NRK: variants seen among roughly 807,000 people sequenced by gnomAD.
NRK encodes the protein nik-related protein kinase.
In NRK, 67 loss-of-function variants were observed where a neutral mutation model predicts 125.2. That is an observed-to-expected ratio of 0.54 (90% CI 0.44 to 0.66). The LOEUF (loss-of-function observed/expected upper bound fraction) is 0.66. Ranked by LOEUF, NRK falls within the 30% of genes least tolerant of loss-of-function variation. The pLI, the probability that NRK is intolerant of heterozygous loss-of-function variation, is 0.00. For synonymous variants in NRK, 458 were observed against 429.0 expected, an observed-to-expected ratio of 1.07 and a Z score of -0.84; for missense variants, 1,224 against 1,192.9, an observed-to-expected ratio of 1.03 and a Z score of -0.38.
chrX:105,937,643 G>A, intron 22 of NRK, 61 bp downstream of exon 22: 11 of 860,159 alleles, frequency 1.3e-5, no homozygotes, highest in Non-Finnish European at 1.8e-5. Context: ...TGCAAACTGG[G>A]TTAAAGACTT....
chrX:105,884,917 A>G (rs761617227), intron 4 of NRK, among the ~76,000 whole-genome samples: 2 of 111,372 alleles, frequency 1.8e-5, no homozygotes, highest in East Asian at 5.7e-4. Context: ...CAGCCTCCCC[A>G]GTAGTTGGGA....
At chrX:105,942,738 C>A (rs914674863) in intron 23 of NRK, among the ~76,000 whole-genome samples, 1 of 111,212 alleles carries the variant, frequency 9.0e-6, no homozygotes, top group African/African-American at 3.3e-5. Context: ...CCTGCCTCAG[C>A]CTCCCGAGTA....
chrX:105,873,544 A>G (rs951271986), intron 2 of NRK, among the ~76,000 whole-genome samples: 6 of 111,837 alleles, frequency 5.4e-5, no homozygotes, highest in Admixed American at 9.5e-5. Context: ...CTTCTATTAA[A>G]CAAGATTTTA....
rs772624893 is a variant in NRK at position 105,889,853 on chromosome X, T to C, written c.378+1434T>C. ...GGCCTGGCCCATGAAACCATTTTTT[T>C]TCCTCCTAGGCCTCTGGGCCTGTGA... On this transcript the variant is annotated intron_variant, in intron 5 of 28. Transcript: ENST00000243300. 1.4e-4 allele frequency among the ~76,000 whole-genome samples: 16 copies of C among 112,066 alleles called. No homozygotes were observed. In the East Asian group the frequency reaches 4.5e-3, roughly 32 times the overall value.
chrX:105,907,466 A>G (rs2040235325), intron 11 of NRK: 1 of 111,831 alleles, frequency 8.9e-6, no homozygotes, highest in African/African-American at 3.3e-5. Flanking sequence ...GTATCTATAC[A>G]TGTATCATGT....
chrX:105,829,962 A>G (rs1338981507), intron 1 of NRK, among the ~76,000 whole-genome samples: 1 of 110,637 alleles, frequency 9.0e-6, no homozygotes. Flanking sequence ...ATCAACCTAT[A>G]ATTCAAATAA....
At chrX:105,953,200 CA>C in intron 28 of NRK, 27 bp downstream of exon 28, 8 of 1,046,607 alleles carry the variant, frequency 7.6e-6, no homozygotes, top group Non-Finnish European at 1.0e-5. Context: ...CCAGTTACAG[CA>C]AAAATAACGC....
intron 16 of NRK, among the ~76,000 whole-genome samples, chrX:105,920,735 C>T (rs899818675): frequency 2.7e-5 from 3 of 109,415 alleles, no homozygotes; most frequent in Admixed American, 9.8e-5. Context: ...AAAAAATGCT[C>T]ATCGTCACTG....
chrX:105,868,876 A>C (rs962316751), intron 2 of NRK, among the ~76,000 whole-genome samples: 1 of 110,143 alleles, frequency 9.1e-6, no homozygotes, highest in African/African-American at 3.3e-5. Flanking sequence ...AGTAGCCAAA[A>C]TGTTCTGAAA....
chrX:105,857,412 G>C (rs1489983602), intron 2 of NRK, among the ~76,000 whole-genome samples: 1 of 111,521 alleles, frequency 9.0e-6, no homozygotes, highest in East Asian at 2.8e-4. Flanking sequence ...ATCGAGGTGA[G>C]AGATCAGAAA....
In NRK at chrX:105,895,539, T is replaced by C. The variant is rs1438524122; in HGVS notation, c.580+16T>C. 1.9e-6 allele frequency: 2 copies of C among 1,075,149 alleles called. No homozygotes were observed. Among genetic ancestry groups the C allele is most frequent in the East Asian group, 3.0e-5 (1 of 33,284 alleles). The allele number at this position is 1,075,149 out of a possible 1,213,427, so 88.6% of individuals were successfully genotyped here. On this transcript the variant is annotated intron_variant, in intron 7 of 28. Coordinates refer to ENST00000243300, the MANE Select transcript of NRK (RefSeq NM_198465.4). Reference sequence around the variant, plus strand: ...GTAAAACTGGGTAAGTTTATTCTTATAGTATTTTAAGTCCAAAACATCTTA... The same window carrying C: ...GTAAAACTGGGTAAGTTTATTCTTACAGTATTTTAAGTCCAAAACATCTTA...
rs373104815 is a variant in NRK, at chrX:105,946,021, G to C, written c.4203+6G>C. 1.4e-4 allele frequency: 163 copies of C among 1,202,980 alleles called. No homozygotes were observed. The highest frequency in any genetic ancestry group is 1.8e-4 in the Non-Finnish European group (160 of 890,494). ...TTCATTTGCTGAAGCTCAAGGCAAG[G>C]AACTTGAAGACAGCAAACAGAATGC... On this transcript the variant is annotated splice_donor_region_variant and intron_variant, in intron 25 of 28. Transcript: ENST00000243300.
In NRK at chrX:105,912,704, A is replaced by G; in HGVS notation, c.2298A>G (p.Glu766=). 8.8e-7 allele frequency: 1 copy of G among 1,130,059 alleles called. No individual in the cohort carries two copies. Among genetic ancestry groups the G allele is most frequent in the South Asian group, 2.1e-5 (1 of 48,117 alleles). 93.1% of individuals were successfully genotyped at this position (1,130,059 alleles called of 1,213,427 possible). The change falls in exon 14 of 29, where the codon GAA becomes GAG. Residue 766 remains glutamate (E), a synonymous_variant. Transcript: ENST00000243300. ...AAGTATTTCATTCGATTCAGGCTGA[A>G]GTCCAGATAGAGCCATTGAAGCCAT... The part of the protein sequence containing the change: ...NDEVFHSIQA[E]VQIEPLKPYI...
chrX:105,843,162 A>G (rs1000721591), intron 2 of NRK, among the ~76,000 whole-genome samples: 1 of 112,082 alleles, frequency 8.9e-6, no homozygotes, highest in Middle Eastern at 4.6e-3. Context: ...AGAAATTTCA[A>G]TGCAGACTGT....
At chrX:105,863,059 C>G (rs975691740) in intron 2 of NRK, among the ~76,000 whole-genome samples, 1 of 111,470 alleles carries the variant, frequency 9.0e-6, no homozygotes, top group African/African-American at 3.3e-5. Context: ...AGGAATAATA[C>G]TTAAGCTGTG....
At chrX:105,848,488 CA>C (rs1177414749) in intron 2 of NRK, among the ~76,000 whole-genome samples, 1 of 112,041 alleles carries the variant, frequency 8.9e-6, no homozygotes, top group Non-Finnish European at 1.9e-5. Context: ...CTTATTATAA[CA>C]GTGAAACTAT....
chrX:105,937,698 T>G, intron 22 of NRK, 116 bp downstream of exon 22: 1 of 425,445 alleles, frequency 2.4e-6, no homozygotes, highest in Non-Finnish European at 3.9e-6. Context: ...AATATAACCT[T>G]TAATTGGGAC....
At chrX:105,863,367 T>A (rs985332001) in intron 2 of NRK, among the ~76,000 whole-genome samples, 1 of 101,710 alleles carries the variant, frequency 9.8e-6, no homozygotes, top group Admixed American at 1.0e-4. Flanking sequence ...CATACTATTT[T>A]AAAGTCTCTG....
intron 1 of NRK, among the ~76,000 whole-genome samples, chrX:105,826,278 A>C (rs2039102861): frequency 1.5e-5 from 1 of 67,208 alleles, no homozygotes; most frequent in Non-Finnish European, 2.4e-5. Flanking sequence ...TATAATATAT[A>C]TGAAATATAT....
Sources: gnomAD v4.1 joint callset for allele counts (sites outside exome capture counted in the v4.1 genomes callset) on GRCh38, gnomAD v4.1.1 for gene constraint, MANE v1.5 for transcripts, NCBI Gene and HGNC (gene_info 2026-07-23, HGNC 2026-07-21) for gene names.